CTNNA1: variants seen among roughly 807,000 people sequenced by gnomAD.
CTNNA1 encodes catenin alpha-1.
In CTNNA1, 37 loss-of-function variants were observed where a neutral mutation model predicts 98.4. The observed-to-expected ratio is 0.38, with a 90% CI of 0.29 to 0.49. CTNNA1 has a LOEUF of 0.49. Ranked by LOEUF, CTNNA1 falls within the 20% of genes least tolerant of loss-of-function variation. CTNNA1 has a pLI of 0.95. For missense variants in CTNNA1, 761 were observed against 1,147.2 expected (o/e 0.66, Z 4.86); for synonymous variants, 404 against 413.2 (o/e 0.98, Z 0.27).
At position 138,904,353 on chromosome 5, in the gene CTNNA1, C is replaced by A. The variant is rs779166169; in HGVS notation, c.1301C>A (p.Ala434Asp). Residue 434 changes from alanine (A) to aspartate (D), a missense_variant, in exon 10 of 18, where the codon GCC becomes GAC. Transcript: ENST00000302763. ...GATTATTTTTTATGTTTATAGGTTG[C>A]CAACTTGGCCTGTTCCATCTCAAAT... ...REHANKLIEV[A>D]NLACSISNNE... 1 of 1,611,446 alleles carries A rather than the reference C, an allele frequency of 6.2e-7. No homozygotes were observed. Among genetic ancestry groups the A allele is most frequent in the Non-Finnish European group, 8.5e-7 (1 of 1,179,026 alleles).
chr5:138,797,632 T>A (rs1205131903), intron 3 of CTNNA1, among the ~76,000 whole-genome samples: 1 of 152,132 alleles, frequency 6.6e-6, no homozygotes, highest in Non-Finnish European at 1.5e-5. Context: ...GAAGGAGATA[T>A]AACTTTGCCC....
At chr5:138,823,385 A>G (rs1760234921) in intron 5 of CTNNA1, among the ~76,000 whole-genome samples, 1 of 152,228 alleles carries the variant, frequency 6.6e-6, no homozygotes, top group Admixed American at 6.5e-5. Context: ...GAAATGAAAA[A>G]AAGTAGTTTA....
chr5:138,809,248 TATAG>T (rs1295609266), intron 3 of CTNNA1, among the ~76,000 whole-genome samples: 1 of 152,208 alleles, frequency 6.6e-6, no homozygotes, highest in East Asian at 1.9e-4. Context: ...TTTAAAAAAT[TATAG>T]ATACAATACC....
chr5:138,904,792 T>TA (rs200757425), intron 10 of CTNNA1: 1,837 of 169,800 alleles, frequency 0.011, 27 homozygotes, highest in African/African-American at 0.039. Flanking sequence ...CACCATCTCT[T>TA]AAAAAAAAAA....
At chr5:138,844,133 AGC>A in intron 7 of CTNNA1, among the ~76,000 whole-genome samples, 1 of 152,158 alleles carries the variant, frequency 6.6e-6, no homozygotes, top group Admixed American at 6.5e-5. Flanking sequence ...CCATAGGCAG[AGC>A]ATTTTAAAAA....
intron 1 of CTNNA1, among the ~76,000 whole-genome samples, chr5:138,764,082 G>C (rs1752644542): frequency 6.6e-6 from 1 of 152,216 alleles, no homozygotes; most frequent in African/African-American, 2.4e-5. Context: ...CTACTCCTGA[G>C]TCTGAGGCAG....
chr5:138,918,008 C>G, intron 11 of CTNNA1, 110 bp downstream of exon 11: 1 of 1,127,586 alleles, frequency 8.9e-7, no homozygotes, highest in Non-Finnish European at 1.3e-6. Flanking sequence ...ATTATTCTAA[C>G]AATAATATTG....
chr5:138,914,584 G>A (rs1761336404), intron 10 of CTNNA1, among the ~76,000 whole-genome samples: 1 of 151,830 alleles, frequency 6.6e-6, no homozygotes, highest in South Asian at 2.1e-4. Flanking sequence ...TAATCTACCA[G>A]TTCTAAGTAT....
chr5:138,907,966 G>A (rs1580722963), intron 10 of CTNNA1, among the ~76,000 whole-genome samples: 1 of 150,044 alleles, frequency 6.7e-6, no homozygotes, highest in East Asian at 2.0e-4. Flanking sequence ...CCCCCCATCC[G>A]CCCTTTTTTT....
intron 3 of CTNNA1, among the ~76,000 whole-genome samples, chr5:138,786,904 A>G (rs2149667388): frequency 6.6e-6 from 1 of 152,356 alleles, no homozygotes; most frequent in Non-Finnish European, 1.5e-5. Flanking sequence ...GAAAATTTAT[A>G]CAAACACTTT....
chr5:138,772,697 G>A (rs1052516318), intron 1 of CTNNA1, among the ~76,000 whole-genome samples: 2 of 152,190 alleles, frequency 1.3e-5, no homozygotes, highest in Non-Finnish European at 2.9e-5. Flanking sequence ...AAGACCATAT[G>A]CTAAACCTGA....
intron 3 of CTNNA1, among the ~76,000 whole-genome samples, chr5:138,793,283 A>C (rs1358008732): frequency 6.6e-6 from 1 of 152,204 alleles, no homozygotes; most frequent in Non-Finnish European, 1.5e-5. Context: ...TTTAGGGCAG[A>C]GGCTATATTT....
chr5:138,845,173 A>AAAT (rs1371127443), intron 7 of CTNNA1, among the ~76,000 whole-genome samples: 15 of 152,212 alleles, frequency 9.9e-5, no homozygotes, highest in Non-Finnish European at 2.1e-4. Context: ...GGGTGGATTT[A>AAAT]GCCTTTGATA....
intron 4 of CTNNA1, among the ~76,000 whole-genome samples, chr5:138,810,639 C>T (rs1017740958): frequency 3.3e-5 from 5 of 152,150 alleles, no homozygotes; most frequent in African/African-American, 7.2e-5. Flanking sequence ...ATCCCAAGGC[C>T]GAAGAATTTT....
intron 7 of CTNNA1, chr5:138,875,793 C>A: frequency 1.1e-6 from 1 of 911,182 alleles, no homozygotes; most frequent in Non-Finnish European, 1.3e-6. Context: ...TGTTGTCATG[C>A]TTGGTTAAAA....
At chr5:138,912,863 T>G (rs1300531175) in intron 10 of CTNNA1, among the ~76,000 whole-genome samples, 5 of 152,220 alleles carry the variant, frequency 3.3e-5, no homozygotes, top group Non-Finnish European at 5.9e-5. Flanking sequence ...TCTACTGCTG[T>G]TTTGGTGTTT....
At chr5:138,854,870 G>A (rs1211568611) in intron 7 of CTNNA1, among the ~76,000 whole-genome samples, 1 of 152,162 alleles carries the variant, frequency 6.6e-6, no homozygotes, top group African/African-American at 2.4e-5. Context: ...TCTCCTCCCA[G>A]CATTGGTAAT....
intron 2 of CTNNA1, among the ~76,000 whole-genome samples, chr5:138,782,927 A>G (rs1363993271): frequency 6.6e-6 from 1 of 152,210 alleles, no homozygotes; most frequent in African/African-American, 2.4e-5. Flanking sequence ...CAAACTAAAA[A>G]CCTAATGATC....
At chr5:138,830,099 G>A (rs570330572) in intron 7 of CTNNA1, among the ~76,000 whole-genome samples, 3 of 152,030 alleles carry the variant, frequency 2.0e-5, no homozygotes, top group East Asian at 3.9e-4. Flanking sequence ...CCCAGGAGGC[G>A]GAGCTTTCAG....
Sources: gnomAD v4.1 joint callset for allele counts (sites outside exome capture counted in the v4.1 genomes callset) on GRCh38, gnomAD v4.1.1 for gene constraint, MANE v1.5 for transcripts, NCBI Gene and HGNC (gene_info 2026-07-23, HGNC 2026-07-21) for gene names.